Variants in BCAS3 observed in about 807,000 individuals in gnomAD.
BCAS3 encodes BCAS3 microtubule associated cell migration factor, also known as BCAS4/BCAS3 fusion.
Under a neutral mutation model 116.1 loss-of-function variants are expected in BCAS3, and 53 were observed. The ratio of observed to expected loss-of-function variants is 0.46; its 90% CI spans 0.37 to 0.57. BCAS3 has a LOEUF of 0.57. Among genes scored for constraint, BCAS3 ranks in the 20% least tolerant of loss-of-function variants. The probability of loss-of-function intolerance (pLI) is 0.00; values close to 1 mark genes in which losing one functional copy is unlikely to be tolerated. For synonymous variants in BCAS3, 391 were observed against 408.2 expected (o/e 0.96, Z 0.51); for missense variants, 917 against 1,165.4 (o/e 0.79, Z 3.10).
At chr17:60,822,074 T>C (rs2050014981) in intron 7 of BCAS3, among the ~76,000 whole-genome samples, 1 of 152,240 alleles carries the variant, frequency 6.6e-6, no homozygotes, top group African/African-American at 2.4e-5. Flanking sequence ...GCTATGAACA[T>C]TGTATTCAAG....
Position 61,265,974 on chromosome 17 carries a change from T to C in BCAS3, c.2426-102353T>C, listed in dbSNP as rs890121693. On this transcript the variant is annotated intron_variant, in intron 22 of 23. Coordinates refer to ENST00000407086, the MANE Select transcript of BCAS3 (RefSeq NM_017679.5). This position sits in a 1 kb window ranked among gnomAD's most constrained non-coding sequence, Gnocchi z 4.3. ...TTCATAGATACTAAAATATTTCCTTTCTTCATTTCTAATGAGACTTCCTGT... is the reference window on the plus strand; with the variant it reads ...TTCATAGATACTAAAATATTTCCTTCCTTCATTTCTAATGAGACTTCCTGT... Among the ~76,000 whole-genome samples the C allele has an allele frequency of 1.3e-5, 2 of 152,234 alleles. No individual in the cohort carries two copies. The highest frequency in any genetic ancestry group is 1.3e-4 in the Admixed American group (2 of 15,290).
chr17:61,177,347 A>C (rs2079205906), intron 22 of BCAS3, among the ~76,000 whole-genome samples: 1 of 152,242 alleles, frequency 6.6e-6, no homozygotes, highest in Non-Finnish European at 1.5e-5. Flanking sequence ...ATTGGTATTT[A>C]TCTATAAAAT....
intron 19 of BCAS3, among the ~76,000 whole-genome samples, chr17:61,047,996 A>G (rs1354600806): frequency 6.6e-6 from 1 of 152,042 alleles, no homozygotes; most frequent in Non-Finnish European, 1.5e-5. Context: ...ATAGAAATAT[A>G]CATTCATTCA....
rs2065543275 is a variant in BCAS3 at position 61,017,528 on chromosome 17, G to A, written c.1637+1627G>A. Among the ~76,000 whole-genome samples, 1 of 152,146 alleles carries A rather than the reference G, an allele frequency of 6.6e-6. No homozygotes were observed. Among genetic ancestry groups the A allele is most frequent in the East Asian group, 1.9e-4 (1 of 5,206 alleles). On this transcript the variant is annotated intron_variant, in intron 16 of 23. Coordinates refer to ENST00000407086, the MANE Select transcript of BCAS3 (RefSeq NM_017679.5). The surrounding 1 kb of genome is among the most constrained non-coding windows in gnomAD (Gnocchi z 4.7). ...TAAGAAGGTTCAAAAGGCTCCTGGA[G>A]TCATAAAAGCATATTCTGGTGCTTT...
chr17:60,849,104 A>G (rs559649815), intron 7 of BCAS3, among the ~76,000 whole-genome samples: 48 of 152,328 alleles, frequency 3.2e-4, no homozygotes, highest in African/African-American at 1.1e-3. Flanking sequence ...ATAGATACAC[A>G]CAAAACCGTT....
chr17:61,374,610 C>A (rs1333324974), intron 23 of BCAS3, among the ~76,000 whole-genome samples: 2 of 152,302 alleles, frequency 1.3e-5, no homozygotes, highest in East Asian at 3.9e-4. Flanking sequence ...GAAAAGGCTT[C>A]ATCTTTTCCT....
chr17:61,373,780 T>C (rs1229731760), intron 23 of BCAS3, among the ~76,000 whole-genome samples: 1 of 145,392 alleles, frequency 6.9e-6, no homozygotes, highest in African/African-American at 2.5e-5. Flanking sequence ...AGTATCTGTT[T>C]GCTGCTGTTA....
chr17:60,756,739 G>A (rs60123930), intron 6 of BCAS3, among the ~76,000 whole-genome samples: 6,651 of 152,266 alleles, frequency 0.044, 532 homozygotes, highest in African/African-American at 0.15. Flanking sequence ...AAACATGTGA[G>A]TGCAGGTTAT....
At chr17:61,373,943 G>C (rs2059197934) in intron 23 of BCAS3, among the ~76,000 whole-genome samples, 1 of 146,000 alleles carries the variant, frequency 6.8e-6, no homozygotes, top group South Asian at 2.2e-4. Flanking sequence ...CCTTTCCTGA[G>C]CGACTAGGAC....
intron 22 of BCAS3, among the ~76,000 whole-genome samples, chr17:61,303,057 G>A (rs1422160963): frequency 6.6e-6 from 1 of 152,300 alleles, no homozygotes; most frequent in East Asian, 1.9e-4. Flanking sequence ...AGGCCTGTCC[G>A]ACAACAGGAC....
Position 61,087,064 on chromosome 17 carries a change from A to T in BCAS3, c.2425+2500A>T. On this transcript the variant is annotated intron_variant, in intron 22 of 23. Coordinates refer to ENST00000407086, the MANE Select transcript of BCAS3 (RefSeq NM_017679.5). The surrounding 1 kb of genome is among the most constrained non-coding windows in gnomAD (Gnocchi z 4.6). ...TAAATAATTTGAGTTCTTTATGTAA[A>T]CATATTTATGGGAAAATTTTGTTGT... is the stretch of plus-strand genomic sequence containing the variant. The T allele has an allele frequency of 3.0e-6, 3 of 985,046 alleles. No individual in the cohort carries two copies. The highest frequency in any genetic ancestry group is 3.6e-6 in the Non-Finnish European group (3 of 829,576). The allele number at this position is 985,046 out of a possible 1,614,324, so 61.0% of individuals were successfully genotyped here.
intron 6 of BCAS3, among the ~76,000 whole-genome samples, chr17:60,806,389 G>A (rs1370198492): frequency 1.2e-4 from 18 of 152,142 alleles, no homozygotes; most frequent in Admixed American, 7.9e-4. Context: ...GCCGGTCAGC[G>A]TGTCTTTCTT....
intron 5 of BCAS3, among the ~76,000 whole-genome samples, chr17:60,741,189 T>A (rs1345249217): frequency 2.6e-5 from 4 of 152,258 alleles, no homozygotes; most frequent in African/African-American, 9.6e-5. Context: ...GGGGCAGCAG[T>A]TTGCTCTATG....
At chr17:60,989,293 A>G in intron 14 of BCAS3, among the ~76,000 whole-genome samples, 1 of 152,120 alleles carries the variant, frequency 6.6e-6, no homozygotes, top group Non-Finnish European at 1.5e-5. Flanking sequence ...TTTCTGAAAT[A>G]AGTAAGTGGA....
At chr17:60,997,739 A>G (rs1325709448) in intron 15 of BCAS3, among the ~76,000 whole-genome samples, 4 of 152,190 alleles carry the variant, frequency 2.6e-5, no homozygotes, top group Admixed American at 2.6e-4. Flanking sequence ...TTTAAAGGCC[A>G]GCTTGTGATG....
chr17:61,369,893 C>CT (rs2058958119), intron 23 of BCAS3, among the ~76,000 whole-genome samples: 1 of 152,226 alleles, frequency 6.6e-6, no homozygotes, highest in South Asian at 2.1e-4. Context: ...TCTGGGGTCC[C>CT]TAGCCAGCCT....
intron 9 of BCAS3, among the ~76,000 whole-genome samples, chr17:60,882,463 A>G (rs889715047): frequency 4.6e-5 from 7 of 151,004 alleles, no homozygotes; most frequent in African/African-American, 1.7e-4. Context: ...CCATTTGTCA[A>G]TTTTGTCTTT....
Position 60,813,447 on chromosome 17 carries a change from A to T in BCAS3, c.476+5371A>T, listed in dbSNP as rs146258726. Reference sequence around the variant, plus strand: ...AAGTGTCTGTTAATGTCTTTTGCCCACTTTTTAATGGCATTGTTTTTTGCT... The same window carrying T: ...AAGTGTCTGTTAATGTCTTTTGCCCTCTTTTTAATGGCATTGTTTTTTGCT... On this transcript the variant is annotated intron_variant, in intron 7 of 23. Transcript: ENST00000407086. Among the ~76,000 whole-genome samples the T allele has an allele frequency of 8.5e-4, 129 of 152,270 alleles. No homozygotes were observed. In the East Asian group the frequency reaches 0.024, roughly 28 times the overall value.
intron 5 of BCAS3, among the ~76,000 whole-genome samples, chr17:60,714,779 T>A (rs1400166027): frequency 6.6e-6 from 1 of 152,182 alleles, no homozygotes; most frequent in Non-Finnish European, 1.5e-5. Context: ...TCTAGGAATA[T>A]TATTAATTAG....
Sources: gnomAD v4.1 joint callset for allele counts (sites outside exome capture counted in the v4.1 genomes callset) on GRCh38, gnomAD v4.1.1 for gene constraint, Gnocchi (gnomAD v3.1) non-coding constraint, MANE v1.5 for transcripts, NCBI Gene and HGNC (gene_info 2026-07-23, HGNC 2026-07-21) for gene names.